Variants in IGF2BP2 observed in about 807,000 individuals in gnomAD.
IGF2BP2 encodes insulin-like growth factor 2 mRNA-binding protein 2.
Under a neutral mutation model 75.8 loss-of-function variants are expected in IGF2BP2, and 17 were observed. That is an observed-to-expected ratio of 0.22 (90% CI 0.15 to 0.34). The LOEUF (loss-of-function observed/expected upper bound fraction) is 0.34, where lower values mean the gene tolerates loss of function less well. Among genes scored for constraint, IGF2BP2 ranks in the 10% least tolerant of loss-of-function variants. The pLI is 1.00. For synonymous variants in IGF2BP2, 288 were observed against 295.6 expected, an observed-to-expected ratio of 0.97 and a Z score of 0.26; for missense variants, 516 against 772.4, an observed-to-expected ratio of 0.67 and a Z score of 3.93.
At chr3:185,803,568 TA>T (rs1304700764) in intron 2 of IGF2BP2, among the ~76,000 whole-genome samples, 6 of 152,380 alleles carry the variant, frequency 3.9e-5, no homozygotes, top group African/African-American at 1.2e-4. Flanking sequence ...ATGGATTTTT[TA>T]ACCACTTTCT....
intron 14 of IGF2BP2, among the ~76,000 whole-genome samples, chr3:185,648,654 A>G (rs1312035446): frequency 6.6e-6 from 1 of 152,182 alleles, no homozygotes; most frequent in Non-Finnish European, 1.5e-5. Context: ...CACCCAGGTC[A>G]GTAAGTCACA....
At chr3:185,681,243 A>G (rs1577948517) in intron 7 of IGF2BP2, among the ~76,000 whole-genome samples, 1 of 152,372 alleles carries the variant, frequency 6.6e-6, no homozygotes, top group East Asian at 1.9e-4. Flanking sequence ...ATTGCAGGAT[A>G]CAAAAATCAA....
intron 2 of IGF2BP2, among the ~76,000 whole-genome samples, chr3:185,749,751 A>G (rs569208437): frequency 6.6e-6 from 1 of 152,328 alleles, no homozygotes; most frequent in African/African-American, 2.4e-5. Context: ...CCAGGATATG[A>G]TCTCTCATTG....
rs1176628409 is a variant in IGF2BP2, at chr3:185,775,643, C to CTAA, written c.239+47507_239+47509dup. ...GGTTGGGGAATGGCAAAACATAAGA[C>CTAA]TAATAAGCTTAGCAAAAGCAATGTA... On this transcript the variant is annotated intron_variant, in intron 2 of 15. Coordinates refer to ENST00000382199, the MANE Select transcript of IGF2BP2 (RefSeq NM_006548.6). Among the ~76,000 whole-genome samples the CTAA allele has an allele frequency of 5.3e-5, 8 of 152,206 alleles. No individual in the cohort carries two copies. In the East Asian group the frequency reaches 1.5e-3, roughly 29 times the overall value.
intron 2 of IGF2BP2, among the ~76,000 whole-genome samples, chr3:185,781,962 ATTT>A (rs939413611): frequency 4.6e-5 from 7 of 151,328 alleles, no homozygotes; most frequent in Admixed American, 2.0e-4. Flanking sequence ...TACTTGAAAT[ATTT>A]TTTTTTAGAA....
rs1713079819 is a variant in IGF2BP2 at position 185,643,936 on chromosome 3, C to T, written c.*1595G>A. On this transcript the variant is annotated 3_prime_UTR_variant, in exon 16 of 16. Transcript: ENST00000382199. ...GCGCGTACCCTATTAAAATTCAGGA[C>T]ATCTCCAATATTCTCTCTCTCTGTT... 1 of 151,904 alleles carries T rather than the reference C, an allele frequency of 6.6e-6. No individual in the cohort carries two copies. Among genetic ancestry groups the T allele is most frequent in the African/African-American group, 2.4e-5 (1 of 41,268 alleles). 9.4% of individuals were successfully genotyped at this position (151,904 alleles called of 1,614,324 possible).
intron 2 of IGF2BP2, among the ~76,000 whole-genome samples, chr3:185,780,699 C>A (rs1442207303): frequency 6.6e-6 from 1 of 152,152 alleles, no homozygotes. Context: ...ACTGCACATT[C>A]CCACGGATGA....
At chr3:185,823,544 C>T (rs190801833) in intron 1 of IGF2BP2, among the ~76,000 whole-genome samples, 2 of 152,258 alleles carry the variant, frequency 1.3e-5, no homozygotes, top group African/African-American at 4.8e-5. Context: ...TGGCGCGGCC[C>T]CGCTGCTCTC....
intron 2 of IGF2BP2, among the ~76,000 whole-genome samples, chr3:185,762,613 T>C (rs1465077487): frequency 3.3e-5 from 5 of 151,984 alleles, no homozygotes; most frequent in South Asian, 2.1e-4. Flanking sequence ...TGTGTTTTGA[T>C]AGTATTTGAA....
intron 2 of IGF2BP2, among the ~76,000 whole-genome samples, chr3:185,806,599 T>C (rs1309755645): frequency 6.6e-6 from 1 of 152,228 alleles, no homozygotes; most frequent in Non-Finnish European, 1.5e-5. Context: ...AACTTGACTA[T>C]TATACACTAT....
intron 10 of IGF2BP2, among the ~76,000 whole-genome samples, chr3:185,669,956 G>T (rs1444324539): frequency 6.6e-6 from 1 of 152,208 alleles, no homozygotes. Flanking sequence ...GTCCTGCACA[G>T]GTGGGCAGTG....
chr3:185,772,577 CTTTTTTTT>C (rs368068706), intron 2 of IGF2BP2, among the ~76,000 whole-genome samples: 1 of 118,204 alleles, frequency 8.5e-6, no homozygotes, highest in South Asian at 2.9e-4. Flanking sequence ...CCTTCTCTCT[CTTTTTTTT>C]TTTTTTTTTT....
intron 2 of IGF2BP2, among the ~76,000 whole-genome samples, chr3:185,739,975 C>T (rs977971604): frequency 6.6e-5 from 10 of 151,284 alleles, no homozygotes; most frequent in South Asian, 2.1e-4. Flanking sequence ...CCCACCTCAC[C>T]CTCCTGAGTA....
At chr3:185,701,985 G>C (rs1723370520) in intron 2 of IGF2BP2, among the ~76,000 whole-genome samples, 1 of 152,042 alleles carries the variant, frequency 6.6e-6, no homozygotes, top group African/African-American at 2.4e-5. Flanking sequence ...AGGGACTCTG[G>C]CATGTCCTTC....
chr3:185,685,301 A>T (rs541687704), intron 7 of IGF2BP2, among the ~76,000 whole-genome samples: 152 of 152,074 alleles, frequency 1.0e-3, no homozygotes, highest in African/African-American at 3.6e-3. Context: ...GTGAGCCAAG[A>T]TCATGCCATT....
In IGF2BP2 at chr3:185,643,888, C is replaced by T. The variant is rs985152095; in HGVS notation, c.*1643G>A. The T allele has an allele frequency of 6.7e-6, 1 of 149,742 alleles. No homozygotes were observed. The highest frequency in any genetic ancestry group is 2.5e-5 in the African/African-American group (1 of 40,546). 9.3% of individuals were successfully genotyped at this position (149,742 alleles called of 1,614,324 possible). On this transcript the variant is annotated 3_prime_UTR_variant, in exon 16 of 16. Coordinates refer to ENST00000382199, the MANE Select transcript of IGF2BP2 (RefSeq NM_006548.6). ...CCACATAAACCAGTACATGTTCATC[C>T]TTTAGCGCAAAAAGCCCTAATGGCG...
At chr3:185,713,445 T>C in intron 2 of IGF2BP2, 1 of 520,072 alleles carries the variant, frequency 1.9e-6, no homozygotes, top group Non-Finnish European at 3.8e-6. Flanking sequence ...CACCACTAGA[T>C]AACTGTCTAA....
chr3:185,813,050 G>A (rs985806763), intron 2 of IGF2BP2, among the ~76,000 whole-genome samples: 4 of 152,048 alleles, frequency 2.6e-5, no homozygotes, highest in African/African-American at 9.7e-5. Flanking sequence ...ACTCTTCCCT[G>A]GCAACACTCT....
At chr3:185,678,828 A>G (rs756461469) in intron 7 of IGF2BP2, among the ~76,000 whole-genome samples, 4 of 152,202 alleles carry the variant, frequency 2.6e-5, no homozygotes, top group African/African-American at 7.2e-5. Context: ...GTACATATTT[A>G]TAATTGTTGT....
Sources: allele counts gnomAD v4.1 joint callset (sites outside exome capture counted in the v4.1 genomes callset), GRCh38; gene constraint gnomAD v4.1.1; transcripts MANE v1.5; gene names NCBI Gene and HGNC (gene_info 2026-07-23, HGNC 2026-07-21).